THSD7B: variants seen among roughly 807,000 people sequenced by gnomAD.
THSD7B encodes the protein thrombospondin type 1 domain containing 7B, also known as thrombospondin type-1 domain-containing protein 7B.
THSD7B carries 138 observed loss-of-function variants against 213.6 expected under a neutral mutation model. The ratio of observed to expected loss-of-function variants is 0.65; its 90% CI spans 0.56 to 0.74. The LOEUF is 0.74. THSD7B is among the 30% of genes least tolerant of loss of function. The pLI is 0.00. For synonymous variants in THSD7B, 742 were observed against 687.0 expected, an observed-to-expected ratio of 1.08 and a Z score of -1.25; for missense variants, 1,931 against 1,991.5, an observed-to-expected ratio of 0.97 and a Z score of 0.58.
At chr2:137,138,631 A>G (rs1438515432) in intron 5 of THSD7B, among the ~76,000 whole-genome samples, 1 of 152,132 alleles carries the variant, frequency 6.6e-6, no homozygotes, top group Non-Finnish European at 1.5e-5. Flanking sequence ...TGGGTTTATC[A>G]TTCTCTCCAA....
intron 2 of THSD7B, among the ~76,000 whole-genome samples, chr2:136,953,367 A>G (rs1289960274): frequency 6.6e-6 from 1 of 152,196 alleles, no homozygotes. Flanking sequence ...AAGCTGTTTT[A>G]AAGAACAACT....
intron 5 of THSD7B, among the ~76,000 whole-genome samples, chr2:137,146,243 A>G (rs556517814): frequency 2.6e-5 from 4 of 152,250 alleles, no homozygotes; most frequent in South Asian, 4.1e-4. Flanking sequence ...TAATAAAAAT[A>G]TAAGCATATA....
intron 12 of THSD7B, among the ~76,000 whole-genome samples, chr2:137,361,920 A>T (rs1480737812): frequency 1.3e-5 from 2 of 152,126 alleles, no homozygotes; most frequent in African/African-American, 4.8e-5. Flanking sequence ...CAACCCCAAA[A>T]CACATAATTA....
At position 136,770,901 on chromosome 2, in the gene THSD7B, A is replaced by G. The variant is rs17656220; in HGVS notation, c.-36+5214A>G. On this transcript the variant is annotated intron_variant, in intron 1 of 27. Transcript: ENST00000409968. ...TCATCTGAGTTATCAATTCATATAAAGCCACTCTAACTTCAATTTAATTTG... is the reference window on the plus strand; with the variant it reads ...TCATCTGAGTTATCAATTCATATAAGGCCACTCTAACTTCAATTTAATTTG... 6.4e-3 allele frequency among the ~76,000 whole-genome samples: 967 copies of G among 152,238 alleles called. 2 individuals are homozygous for G. Among genetic ancestry groups the G allele is most frequent in the Non-Finnish European group, 9.9e-3 (670 of 68,010 alleles).
intron 15 of THSD7B, among the ~76,000 whole-genome samples, chr2:137,525,378 C>A (rs1291033062): frequency 1.3e-5 from 2 of 152,138 alleles, no homozygotes; most frequent in Non-Finnish European, 2.9e-5. Flanking sequence ...AGCTGCAAAC[C>A]TCTCTTTATT....
chr2:137,098,874 T>C (rs1688090729), intron 4 of THSD7B, among the ~76,000 whole-genome samples: 1 of 152,182 alleles, frequency 6.6e-6, no homozygotes, highest in Non-Finnish European at 1.5e-5. Flanking sequence ...ACCAAGTAGT[T>C]GCTTCGGAGC....
At chr2:137,309,010 T>C (rs1464424766) in intron 12 of THSD7B, among the ~76,000 whole-genome samples, 1 of 152,142 alleles carries the variant, frequency 6.6e-6, no homozygotes, top group African/African-American at 2.4e-5. Flanking sequence ...GACCTACTTC[T>C]ATAAGTGGAA....
At chr2:137,348,683 T>C (rs1290045699) in intron 12 of THSD7B, among the ~76,000 whole-genome samples, 2 of 150,874 alleles carry the variant, frequency 1.3e-5, no homozygotes, top group African/African-American at 4.8e-5. Flanking sequence ...AACAGTTCTT[T>C]ATCCTATCTC....
intron 7 of THSD7B, among the ~76,000 whole-genome samples, chr2:137,198,328 T>C (rs1274548744): frequency 1.3e-5 from 2 of 152,168 alleles, no homozygotes; most frequent in Non-Finnish European, 2.9e-5. Context: ...CTTTCAGTGG[T>C]GTAACCTGCA....
intron 2 of THSD7B, among the ~76,000 whole-genome samples, chr2:136,966,563 C>T (rs571221921): frequency 2.6e-5 from 4 of 152,232 alleles, no homozygotes; most frequent in Admixed American, 1.3e-4. Context: ...TTGAAAAAAA[C>T]ATTTTGAGCA....
chr2:137,224,399 G>A (rs929019133), intron 7 of THSD7B, among the ~76,000 whole-genome samples: 7 of 152,090 alleles, frequency 4.6e-5, no homozygotes, highest in African/African-American at 1.7e-4. Flanking sequence ...CAAGCTCCAC[G>A]ATTTACTTGT....
At chr2:136,819,427 A>G (rs1022173344) in intron 1 of THSD7B, among the ~76,000 whole-genome samples, 2 of 152,102 alleles carry the variant, frequency 1.3e-5, no homozygotes, top group African/African-American at 2.4e-5. Context: ...GACTTTATCA[A>G]TCCAAACACC....
intron 5 of THSD7B, among the ~76,000 whole-genome samples, chr2:137,129,489 G>A (rs953881631): frequency 4.0e-5 from 6 of 151,494 alleles, no homozygotes; most frequent in African/African-American, 1.5e-4. Flanking sequence ...ACCCAGGCTG[G>A]AGTGTGGTGG....
intron 12 of THSD7B, among the ~76,000 whole-genome samples, chr2:137,310,550 T>C (rs1005948726): frequency 6.6e-6 from 1 of 151,178 alleles, no homozygotes; most frequent in Non-Finnish European, 1.5e-5. Flanking sequence ...TGCCATTGCT[T>C]TTGGTGTTTT....
At chr2:137,035,908 A>G (rs1399202121) in intron 2 of THSD7B, among the ~76,000 whole-genome samples, 3 of 152,214 alleles carry the variant, frequency 2.0e-5, no homozygotes, top group African/African-American at 7.2e-5. Flanking sequence ...TAAATCATGT[A>G]CAAAATGTAT....
intron 2 of THSD7B, among the ~76,000 whole-genome samples, chr2:136,922,108 T>G (rs1684447002): frequency 6.6e-6 from 1 of 152,218 alleles, no homozygotes; most frequent in Non-Finnish European, 1.5e-5. Flanking sequence ...CTACCTGCCC[T>G]TCTCTGGTGG....
intron 6 of THSD7B, among the ~76,000 whole-genome samples, chr2:137,162,351 C>T (rs902831765): frequency 6.6e-6 from 1 of 152,148 alleles, no homozygotes; most frequent in African/African-American, 2.4e-5. Context: ...GGAGTTGAAT[C>T]TCATTGGCTG....
At chr2:136,908,152 T>C (rs1040095513) in intron 2 of THSD7B, among the ~76,000 whole-genome samples, 1 of 152,172 alleles carries the variant, frequency 6.6e-6, no homozygotes, top group African/African-American at 2.4e-5. Flanking sequence ...AAAATTTGCT[T>C]CCAGGAGCTC....
At chr2:137,469,244 C>G (rs1405130984) in intron 15 of THSD7B, among the ~76,000 whole-genome samples, 1 of 152,058 alleles carries the variant, frequency 6.6e-6, no homozygotes, top group Non-Finnish European at 1.5e-5. Context: ...AAAAATTAGT[C>G]AAGTTAGCTG....
Sources: allele counts gnomAD v4.1 joint callset (sites outside exome capture counted in the v4.1 genomes callset), GRCh38; gene constraint gnomAD v4.1.1; transcripts MANE v1.5; gene names NCBI Gene and HGNC (gene_info 2026-07-23, HGNC 2026-07-21).